The following CDKAL1 variants were observed in gnomAD, a reference collection of about 807,000 sequenced individuals.
CDKAL1 encodes CDKAL1 threonylcarbamoyladenosine tRNA methylthiotransferase.
CDKAL1 carries 32 observed loss-of-function variants against 68.2 expected under a neutral mutation model. The ratio of observed to expected loss-of-function variants is 0.47; its 90% CI spans 0.35 to 0.63. CDKAL1 has a LOEUF of 0.63. CDKAL1 is among the 30% of genes least tolerant of loss of function. The pLI, the probability that CDKAL1 is intolerant of heterozygous loss-of-function variation, is 0.00. For missense variants in CDKAL1, 606 were observed against 696.7 expected, an observed-to-expected ratio of 0.87 and a Z score of 1.47; for synonymous variants, 234 against 244.3, an observed-to-expected ratio of 0.96 and a Z score of 0.39.
chr6:20,940,241 A>G (rs1387455106), intron 9 of CDKAL1, among the ~76,000 whole-genome samples: 1 of 152,188 alleles, frequency 6.6e-6, no homozygotes, highest in East Asian at 1.9e-4. Flanking sequence ...GAAGCACAAA[A>G]TCTTATATCT....
chr6:20,697,123 C>T (rs929216523), intron 5 of CDKAL1, among the ~76,000 whole-genome samples: 10 of 152,032 alleles, frequency 6.6e-5, no homozygotes, highest in African/African-American at 2.2e-4. Context: ...TTTTCTAGGG[C>T]TGGATGTACT....
chr6:20,660,545 C>G (rs1769239012), intron 5 of CDKAL1, among the ~76,000 whole-genome samples: 1 of 152,164 alleles, frequency 6.6e-6, no homozygotes, highest in African/African-American at 2.4e-5. Context: ...TATCTCCCTT[C>G]TTGGAGTAGT....
At chr6:21,108,326 C>A in intron 12 of CDKAL1, 75 bp from the exon 13 acceptor site, 3 of 867,498 alleles carry the variant, frequency 3.5e-6, no homozygotes, top group East Asian at 2.6e-5. Context: ...TATATACACA[C>A]ATGTATATTT....
At chr6:20,878,875 T>TCAAG (rs933782288) in intron 9 of CDKAL1, among the ~76,000 whole-genome samples, 10 of 151,888 alleles carry the variant, frequency 6.6e-5, no homozygotes, top group Non-Finnish European at 1.5e-4. Context: ...GGTCAGGGGT[T>TCAAG]CAAGACCAGC....
At chr6:20,543,884 G>A (rs1201497417) in intron 2 of CDKAL1, among the ~76,000 whole-genome samples, 2 of 151,732 alleles carry the variant, frequency 1.3e-5, no homozygotes, top group African/African-American at 2.4e-5. Flanking sequence ...TTACAGGCGT[G>A]CACCAACACA....
chr6:21,005,320 G>A (rs1767666982), intron 11 of CDKAL1, among the ~76,000 whole-genome samples: 2 of 152,146 alleles, frequency 1.3e-5, no homozygotes, highest in South Asian at 4.1e-4. Context: ...AACATGCGCA[G>A]TTCTTAAGCA....
chr6:20,948,700 A>C (rs1764379535), intron 9 of CDKAL1, among the ~76,000 whole-genome samples: 1 of 152,246 alleles, frequency 6.6e-6, no homozygotes, highest in South Asian at 2.1e-4. Context: ...GCTGAAACAC[A>C]AGAGGACCTG....
intron 9 of CDKAL1, among the ~76,000 whole-genome samples, chr6:20,856,050 G>GT (rs1419711596): frequency 6.6e-6 from 1 of 152,200 alleles, no homozygotes; most frequent in Non-Finnish European, 1.5e-5. Context: ...AAATAATGAA[G>GT]TTTATGTCCT....
At chr6:21,014,575 C>A (rs1768207839) in intron 11 of CDKAL1, among the ~76,000 whole-genome samples, 1 of 151,356 alleles carries the variant, frequency 6.6e-6, no homozygotes, top group South Asian at 2.1e-4. Flanking sequence ...CACGCCACTG[C>A]ACTCCAGCCT....
At chr6:20,708,416 G>C (rs1771698684) in intron 5 of CDKAL1, among the ~76,000 whole-genome samples, 1 of 152,138 alleles carries the variant, frequency 6.6e-6, no homozygotes, top group African/African-American at 2.4e-5. Context: ...TTTCTATGTG[G>C]TGATTCTTGC....
chr6:20,997,879 C>T (rs1767203771), intron 10 of CDKAL1, among the ~76,000 whole-genome samples: 1 of 152,000 alleles, frequency 6.6e-6, no homozygotes, highest in Non-Finnish European at 1.5e-5. Context: ...ACTTAAAATA[C>T]TTACCAAAAG....
intron 10 of CDKAL1, among the ~76,000 whole-genome samples, chr6:20,979,186 G>T (rs1044108779): frequency 6.6e-6 from 1 of 152,144 alleles, no homozygotes; most frequent in Admixed American, 6.5e-5. Context: ...ATGAAAAATT[G>T]TGTGTCTGTG....
At chr6:21,194,576 C>T (rs1778391050) in intron 13 of CDKAL1, among the ~76,000 whole-genome samples, 1 of 152,186 alleles carries the variant, frequency 6.6e-6, no homozygotes, top group South Asian at 2.1e-4. Flanking sequence ...CTTCCTTACT[C>T]AGATAGCAGA....
intron 4 of CDKAL1, among the ~76,000 whole-genome samples, chr6:20,607,085 A>G (rs1284979082): frequency 6.6e-6 from 1 of 152,244 alleles, no homozygotes; most frequent in Non-Finnish European, 1.5e-5. Context: ...TTAACACCTC[A>G]TCACACACAT....
At chr6:20,585,309 C>T (rs1174621552) in intron 4 of CDKAL1, among the ~76,000 whole-genome samples, 1 of 152,158 alleles carries the variant, frequency 6.6e-6, no homozygotes, top group Non-Finnish European at 1.5e-5. Context: ...GCCTTGGCCT[C>T]CCAAAGTGCT....
chr6:20,588,768 AT>A (rs2127698248), intron 4 of CDKAL1, among the ~76,000 whole-genome samples: 1 of 152,334 alleles, frequency 6.6e-6, no homozygotes, highest in East Asian at 1.9e-4. Flanking sequence ...TCCTTTTAAA[AT>A]AATCTCATCT....
At chr6:20,667,029 A>C (rs1021290260) in intron 5 of CDKAL1, among the ~76,000 whole-genome samples, 1 of 152,124 alleles carries the variant, frequency 6.6e-6, no homozygotes. Context: ...ACTGTGTTAA[A>C]TATGTATGGT....
At chr6:21,012,150 C>T (rs796710085) in intron 11 of CDKAL1, among the ~76,000 whole-genome samples, 14 of 152,304 alleles carry the variant, frequency 9.2e-5, no homozygotes, top group African/African-American at 3.4e-4. Flanking sequence ...CCTTGTAATA[C>T]TTCCTGAAAG....
intron 11 of CDKAL1, among the ~76,000 whole-genome samples, chr6:21,053,748 T>C (rs1463222294): frequency 2.0e-5 from 3 of 152,180 alleles, no homozygotes; most frequent in African/African-American, 4.8e-5. Context: ...AATGTACTTA[T>C]TAGCTATTCC....
Sources: gnomAD v4.1 joint callset for allele counts (sites outside exome capture counted in the v4.1 genomes callset) on GRCh38, gnomAD v4.1.1 for gene constraint, MANE v1.5 for transcripts, NCBI Gene and HGNC (gene_info 2026-07-23, HGNC 2026-07-21) for gene names.